Variants in DPYS observed in about 807,000 individuals in gnomAD.
The protein encoded by DPYS is dihydropyrimidinase.
Under a neutral mutation model 50.3 loss-of-function variants are expected in DPYS, and 39 were observed. That is an observed-to-expected ratio of 0.78 (90% confidence interval 0.60 to 1.01). The LOEUF (loss-of-function observed/expected upper bound fraction) is 1.01. Ranked by LOEUF, DPYS falls within the 50% of genes least tolerant of loss-of-function variation. The probability of loss-of-function intolerance (pLI) is 0.00; values close to 1 mark genes in which losing one functional copy is unlikely to be tolerated. For missense variants in DPYS, 659 were observed against 680.9 expected, an observed-to-expected ratio of 0.97 and a Z score of 0.36; for synonymous variants, 245 against 250.7, an observed-to-expected ratio of 0.98 and a Z score of 0.22.
intron 1 of DPYS, among the ~76,000 whole-genome samples, chr8:104,463,257 T>C (rs906982462): frequency 6.6e-6 from 1 of 152,260 alleles, no homozygotes; most frequent in African/African-American, 2.4e-5. Context: ...TATAAATGTA[T>C]GTATTATACA....
chr8:104,418,076 G>A (rs546267529), intron 7 of DPYS, among the ~76,000 whole-genome samples: 2 of 152,164 alleles, frequency 1.3e-5, no homozygotes, highest in East Asian at 1.9e-4. Context: ...TTTTAAAAAC[G>A]AAAACATCTA....
chr8:104,433,309 A>ATTCTAT (rs1813016406), intron 4 of DPYS, among the ~76,000 whole-genome samples: 1 of 152,170 alleles, frequency 6.6e-6, no homozygotes, highest in Non-Finnish European at 1.5e-5. Flanking sequence ...CCTGATAGCC[A>ATTCTAT]CACGATTCTA....
At chr8:104,426,459 C>G (rs561297261) in intron 6 of DPYS, among the ~76,000 whole-genome samples, 87 of 152,246 alleles carry the variant, frequency 5.7e-4, no homozygotes, top group African/African-American at 1.9e-3. Flanking sequence ...AAGGTCCAAA[C>G]AAAATATGAG....
chr8:104,420,563 C>T (rs1011631188), intron 7 of DPYS: 1 of 151,974 alleles, frequency 6.6e-6, no homozygotes, highest in African/African-American at 2.4e-5. Flanking sequence ...AGTGCAAAAA[C>T]ATTCTGATGA....
At chr8:104,456,395 A>G (rs997715751) in intron 1 of DPYS, among the ~76,000 whole-genome samples, 4 of 152,206 alleles carry the variant, frequency 2.6e-5, no homozygotes, top group Non-Finnish European at 4.4e-5. Flanking sequence ...AGCAAATGAA[A>G]ATTCTCGGGG....
chr8:104,398,279 G>T (rs2140534060), intron 7 of DPYS, among the ~76,000 whole-genome samples: 1 of 152,350 alleles, frequency 6.6e-6, no homozygotes, highest in Non-Finnish European at 1.5e-5. Flanking sequence ...TCAATCCTGG[G>T]TTTAGGGCCA....
chr8:104,413,351 A>G (rs1036130488), intron 7 of DPYS, among the ~76,000 whole-genome samples: 4 of 151,604 alleles, frequency 2.6e-5, no homozygotes, highest in Admixed American at 2.0e-4. Flanking sequence ...ATATATAGTC[A>G]TGCCTTAGAA....
chr8:104,382,339 T>A (rs1247636319), intron 8 of DPYS, among the ~76,000 whole-genome samples: 1 of 152,146 alleles, frequency 6.6e-6, no homozygotes, highest in African/African-American at 2.4e-5. Context: ...TGTATCTGTC[T>A]AAATGCTTTG....
intron 9 of DPYS, 158 bp downstream of exon 9, chr8:104,381,026 A>G: frequency 1.5e-6 from 1 of 651,752 alleles, no homozygotes; most frequent in Non-Finnish European, 2.7e-6. Context: ...AGGCTTATCT[A>G]AATGTTCTGC....
intron 1 of DPYS, among the ~76,000 whole-genome samples, chr8:104,465,699 T>C (rs1160351978): frequency 6.6e-6 from 1 of 152,160 alleles, no homozygotes; most frequent in Non-Finnish European, 1.5e-5. Flanking sequence ...AAAAATCTCA[T>C]AATGTTTTAA....
chr8:104,465,610 G>C (rs1478952477), intron 1 of DPYS, among the ~76,000 whole-genome samples: 1 of 152,074 alleles, frequency 6.6e-6, no homozygotes, highest in Admixed American at 6.6e-5. Flanking sequence ...TGTTGCAGGG[G>C]TGTCCAATCT....
rs755791096 is a variant in DPYS at position 104,451,262 on chromosome 8, G to A, written c.407C>T (p.Thr136Met). 21 of 1,613,846 alleles carry A rather than the reference G, an allele frequency of 1.3e-5. No individual in the cohort carries two copies. The highest frequency in any genetic ancestry group is 2.2e-5 in the East Asian group (1 of 44,884). ...CCDYSLHVAVTWWSDQVKEEM... is the reference protein window; with the variant it reads ...CCDYSLHVAVMWWSDQVKEEM... Reference sequence around the variant, plus strand: ...GTGCTTTACCTGGTCACTCCACCACGTCACTGCCACATGAAGGCTGTAGTC... The same window carrying A: ...GTGCTTTACCTGGTCACTCCACCACATCACTGCCACATGAAGGCTGTAGTC... The change falls in exon 2 of 10, where the codon ACG becomes ATG. Residue 136 changes from threonine to methionine, a missense_variant. Transcript: ENST00000351513.
rs1289249225 is a variant in DPYS, at chr8:104,379,746, A to G, written c.*112T>C. The stretch of plus-strand genomic sequence containing the variant: ...AAGCCTATAGTGGTGAATTTTTTCT[A>G]AAGGATCCTAGGGAGTTGAATAAGG... On this transcript the variant is annotated 3_prime_UTR_variant, in exon 10 of 10. Transcript: ENST00000351513. 4.4e-6 allele frequency: 2 copies of G among 455,370 alleles called. No individual in the cohort carries two copies. Among genetic ancestry groups the G allele is most frequent in the Non-Finnish European group, 8.8e-6 (2 of 226,480 alleles). 28.2% of individuals were successfully genotyped at this position (455,370 alleles called of 1,614,324 possible).
Position 104,382,538 on chromosome 8 carries a change from GTT to G in DPYS, c.1444-1226_1444-1225del, listed in dbSNP as rs11388669. Among the ~76,000 whole-genome samples, 241 of 128,276 alleles carry G rather than the reference GTT, an allele frequency of 1.9e-3. 1 individual carries two copies. The highest frequency in any genetic ancestry group is 5.0e-3 in the East Asian group (22 of 4,402). 84.2% of individuals were successfully genotyped at this position (128,276 alleles called of 152,430 possible). ...CCTCCCTTTCAGGTCCTTGGTCCCT[GTT>G]TTTTTTTTTTTTTTTTCTTCTCCTG... On this transcript the variant is annotated intron_variant, in intron 8 of 9. Transcript: ENST00000351513.
At chr8:104,394,327 T>C (rs1349795332) in intron 7 of DPYS, among the ~76,000 whole-genome samples, 3 of 152,118 alleles carry the variant, frequency 2.0e-5, no homozygotes, top group Admixed American at 2.0e-4. Context: ...TTACTTGGTT[T>C]CCAATCCCAA....
At chr8:104,438,829 T>A (rs1305791569) in intron 4 of DPYS, among the ~76,000 whole-genome samples, 1 of 152,118 alleles carries the variant, frequency 6.6e-6, no homozygotes, top group Non-Finnish European at 1.5e-5. Context: ...ACAGCTCTAA[T>A]CCCAGCTCTG....
intron 4 of DPYS, among the ~76,000 whole-genome samples, chr8:104,442,374 G>T (rs1404970398): frequency 6.6e-6 from 1 of 152,154 alleles, no homozygotes; most frequent in South Asian, 2.1e-4. Context: ...GAGCTTGAAG[G>T]TGGGTTAGAA....
chr8:104,424,759 C>T (rs1031335896), intron 6 of DPYS, among the ~76,000 whole-genome samples: 1 of 151,638 alleles, frequency 6.6e-6, no homozygotes, highest in South Asian at 2.1e-4. Flanking sequence ...TATTACAGAC[C>T]TAAGATTTAT....
rs752089917 is a variant in DPYS at position 104,447,388 on chromosome 8, G to C, written c.539C>G (p.Ser180Cys). 6.2e-7 allele frequency: 1 copy of C among 1,614,066 alleles called. No individual in the cohort carries two copies. The highest frequency in any genetic ancestry group is 1.7e-5 in the Admixed American group (1 of 60,000). ...AATTGCTCCAATTTCCTTGCACCGA[G>C]AGAAGGCTTCGTACAGCTCCAGGTC... is the stretch of plus-strand genomic sequence containing the variant. Reference protein sequence around the residue: ...VTDLELYEAFSRCKEIGAIAQ... With the variant: ...VTDLELYEAFCRCKEIGAIAQ... The change falls in exon 3 of 10, where the codon TCT (serine) becomes TGT (cysteine). Residue 180 changes from serine (S) to cysteine (C), a missense_variant. Physicochemically the swap from Ser to Cys is moderately radical, Grantham distance 112. Transcript: ENST00000351513.
Sources: allele counts gnomAD v4.1 joint callset (sites outside exome capture counted in the v4.1 genomes callset), GRCh38; gene constraint gnomAD v4.1.1; transcripts MANE v1.5; gene names NCBI Gene and HGNC (gene_info 2026-07-23, HGNC 2026-07-21).